C19orf47: variants seen among roughly 807,000 people sequenced by gnomAD.
The protein encoded by C19orf47 is chromosome 19 open reading frame 47.
A neutral mutation model predicts 32.3 loss-of-function variants in C19orf47; 18 were observed. The ratio of observed to expected loss-of-function variants is 0.56; its 90% confidence interval spans 0.39 to 0.83. The LOEUF (loss-of-function observed/expected upper bound fraction) is 0.83. Ranked by LOEUF, C19orf47 falls within the 40% of genes least tolerant of loss-of-function variation. The probability of loss-of-function intolerance (pLI) is 0.00; values close to 1 mark genes in which losing one functional copy is unlikely to be tolerated. For missense variants in C19orf47, 484 were observed against 531.6 expected (o/e 0.91, Z 0.88); for synonymous variants, 202 against 211.1 (o/e 0.96, Z 0.37).
intron 5 of C19orf47, among the ~76,000 whole-genome samples, chr19:40,333,623 T>G (rs1023163585): frequency 6.6e-6 from 1 of 152,168 alleles, no homozygotes; most frequent in African/African-American, 2.4e-5. Context: ...ATTCACTAAG[T>G]GTACATATTA....
downstream of C19orf47, among the ~76,000 whole-genome samples, chr19:40,315,847 A>T (rs1192984064): frequency 6.6e-6 from 1 of 152,016 alleles, no homozygotes; most frequent in Non-Finnish European, 1.5e-5. Context: ...AGCCCCAGGT[A>T]CTCAGGAGGC....
Position 40,348,397 on chromosome 19 carries a change from C to T in C19orf47, c.-107G>A. ...GCGGCGCCAACTGTCAGACACTCCT[C>T]CCCCGGCCCGGGCTGCCCGCCCCGG... On this transcript the variant is annotated 5_prime_UTR_variant, in exon 1 of 9. Transcript: ENST00000683109. 1.4e-6 allele frequency: 2 copies of T among 1,474,650 alleles called. No individual in the cohort carries two copies. Among genetic ancestry groups the T allele is most frequent in the South Asian group, 1.3e-5 (1 of 78,122 alleles). The allele number at this position is 1,474,650 out of a possible 1,614,324, so 91.3% of individuals were successfully genotyped here. A position where few individuals can be genotyped will look rare whatever the true frequency, so the allele number is the denominator to read the frequency against.
At chr19:40,337,729 C>T (rs2078093745) in intron 2 of C19orf47, among the ~76,000 whole-genome samples, 1 of 152,182 alleles carries the variant, frequency 6.6e-6, no homozygotes, top group African/African-American at 2.4e-5. Context: ...TCAGGTGAAA[C>T]TCCATGGGCC....
chr19:40,295,437 C>T, the C19orf47 span, among the ~76,000 whole-genome samples: 1 of 150,484 alleles, frequency 6.6e-6, no homozygotes, highest in Non-Finnish European at 1.5e-5. Flanking sequence ...AATCAGATTA[C>T]TTTTTTTGTT....
the C19orf47 span, among the ~76,000 whole-genome samples, chr19:40,306,570 T>G: frequency 6.6e-6 from 1 of 150,644 alleles, no homozygotes; most frequent in Non-Finnish European, 1.5e-5. Flanking sequence ...GCCCAGCTGA[T>G]TTTTGTATTT....
At chr19:40,334,139 T>C (rs1319456622) in intron 4 of C19orf47, among the ~76,000 whole-genome samples, 5 of 152,226 alleles carry the variant, frequency 3.3e-5, no homozygotes, top group African/African-American at 1.2e-4. Context: ...ATATCTGAAG[T>C]TCAGCCTCCT....
chr19:40,305,245 A>C, the C19orf47 span, among the ~76,000 whole-genome samples: 1 of 151,768 alleles, frequency 6.6e-6, no homozygotes, highest in Non-Finnish European at 1.5e-5. Context: ...CAGGAGGCTG[A>C]GGGAGGAGAA....
intron 2 of C19orf47, among the ~76,000 whole-genome samples, chr19:40,337,526 G>A (rs1401888405): frequency 6.6e-6 from 1 of 151,584 alleles, no homozygotes; most frequent in Non-Finnish European, 1.5e-5. Context: ...CTGAAACTAG[G>A]ATCTACTTCA....
downstream of C19orf47, among the ~76,000 whole-genome samples, chr19:40,317,358 C>T (rs999242482): frequency 3.9e-5 from 6 of 152,166 alleles, no homozygotes; most frequent in African/African-American, 1.4e-4. Context: ...CTTTGGAAAG[C>T]TGAGATGGGA....
the C19orf47 span, among the ~76,000 whole-genome samples, chr19:40,300,387 C>A: frequency 2.0e-5 from 3 of 151,922 alleles, no homozygotes; most frequent in Non-Finnish European, 4.4e-5. Context: ...ATTGCTTGAA[C>A]CCAGGAGGCG....
At chr19:40,346,304 G>A (rs1290816148) in intron 1 of C19orf47, among the ~76,000 whole-genome samples, 10 of 143,474 alleles carry the variant, frequency 7.0e-5, no homozygotes, top group East Asian at 2.2e-4. Context: ...TTAGCCAGGC[G>A]TGGTGGTGGG....
intron 5 of C19orf47, among the ~76,000 whole-genome samples, chr19:40,330,045 A>T (rs1423374640): frequency 4.6e-5 from 7 of 152,188 alleles, no homozygotes; most frequent in African/African-American, 1.7e-4. Flanking sequence ...CGTTGCAGTC[A>T]GGATATCAGA....
Position 40,326,357 on chromosome 19 carries a change from A to G in C19orf47, c.569T>C (p.Leu190Pro), listed in dbSNP as rs200894308. The G allele has an allele frequency of 3.7e-4, 605 of 1,614,048 alleles. No individual in the cohort carries two copies. The highest frequency in any genetic ancestry group is 4.9e-4 in the Non-Finnish European group (584 of 1,180,040). ...KGTTPRTRKI[L>P]EQQQAAKGLH... The stretch of plus-strand genomic sequence containing the variant: ...ACCTTTTGCAGCCTGCTGCTGCTCC[A>G]GGATCTTGCGGGTGCGGGGTGTGGT... The change falls in exon 7 of 9, where the codon CTG (leucine) becomes CCG (proline). Residue 190 changes from leucine to proline, a missense_variant. Around this residue, in one of 3 missense-constraint regions of C19orf47, gnomAD observed 376 missense variants for 370.2 expected, o/e 1.02. Coordinates refer to ENST00000683109, the MANE Select transcript of C19orf47 (RefSeq NM_001256441.2).
Position 40,336,235 on chromosome 19 carries a change from A to G in C19orf47, c.108-11T>C, listed in dbSNP as rs376999587. 3.1e-6 allele frequency: 5 copies of G among 1,614,032 alleles called. No individual in the cohort carries two copies. The highest frequency in any genetic ancestry group is 3.4e-6 in the Non-Finnish European group (4 of 1,179,982). ...ATGCTCTTCTGAATCCTGCAGGGAA[A>G]GGTCAGTGGTGAGGCCCCAGGTGGG... On this transcript the variant is annotated splice_polypyrimidine_tract_variant and intron_variant, in intron 3 of 8. Transcript: ENST00000683109.
chr19:40,317,732 T>TTTTTTTTTTTG (rs1450682362), downstream of C19orf47, among the ~76,000 whole-genome samples: 1 of 151,870 alleles, frequency 6.6e-6, no homozygotes, highest in African/African-American at 2.4e-5. Flanking sequence ...TTTTTTGTTT[T>TTTTTTTTTTTG]TTTTTTTGAG....
chr19:40,306,570 T>A, the C19orf47 span, among the ~76,000 whole-genome samples: 1 of 150,768 alleles, frequency 6.6e-6, no homozygotes, highest in African/African-American at 2.4e-5. Flanking sequence ...GCCCAGCTGA[T>A]TTTTGTATTT....
At chr19:40,344,876 T>G (rs1014264752) in intron 1 of C19orf47, among the ~76,000 whole-genome samples, 5 of 152,152 alleles carry the variant, frequency 3.3e-5, no homozygotes, top group African/African-American at 1.2e-4. Flanking sequence ...CAGATGAGAA[T>G]GGCAGGTCCA....
chr19:40,334,177 G>A (rs1299396512), intron 4 of C19orf47, among the ~76,000 whole-genome samples: 3 of 152,240 alleles, frequency 2.0e-5, no homozygotes, highest in African/African-American at 4.8e-5. Context: ...GGCCAGGTGC[G>A]GTGGTTCACG....
At chr19:40,341,345 CATATATA>C (rs1302725028) in intron 2 of C19orf47, among the ~76,000 whole-genome samples, 3 of 151,658 alleles carry the variant, frequency 2.0e-5, no homozygotes, top group Non-Finnish European at 4.4e-5. Context: ...AACAAACATA[CATATATA>C]ATATATATAA....
Sources: gnomAD v4.1 joint callset for allele counts (sites outside exome capture counted in the v4.1 genomes callset) on GRCh38, gnomAD v4.1.1 for gene constraint, gnomAD v4.1.1 regional missense constraint, MANE v1.5 for transcripts, NCBI Gene and HGNC (gene_info 2026-07-23, HGNC 2026-07-21) for gene names.